Variants in ROCK1 observed in about 807,000 individuals in gnomAD.
The protein encoded by ROCK1 is Rho associated coiled-coil containing protein kinase 1, also known as rho-associated protein kinase 1.
In ROCK1, 36 loss-of-function variants were observed where a neutral mutation model predicts 196.8. That is an observed-to-expected ratio of 0.18 (90% CI 0.14 to 0.24). ROCK1 has a LOEUF of 0.24. Among genes scored for constraint, ROCK1 ranks in the 10% least tolerant of loss-of-function variants. The probability of loss-of-function intolerance (pLI) is 1.00; values close to 1 mark genes in which losing one functional copy is unlikely to be tolerated. For missense variants in ROCK1, 920 were observed against 1,562.0 expected, an observed-to-expected ratio of 0.59 and a Z score of 6.93; for synonymous variants, 443 against 515.9, an observed-to-expected ratio of 0.86 and a Z score of 1.91.
rs2035163160 is a variant in ROCK1, at chr18:20,949,611, G to A, written c.*1773C>T. 1 of 152,236 alleles carries A rather than the reference G, an allele frequency of 6.6e-6. No individual in the cohort carries two copies. The highest frequency in any genetic ancestry group is 1.5e-5 in the Non-Finnish European group (1 of 68,048). 9.4% of individuals were successfully genotyped at this position (152,236 alleles called of 1,614,324 possible). A position where few individuals can be genotyped will look rare whatever the true frequency, so the allele number is the denominator to read the frequency against. On this transcript the variant is annotated 3_prime_UTR_variant, in exon 33 of 33. Coordinates refer to ENST00000399799, the MANE Select transcript of ROCK1 (RefSeq NM_005406.3). Reference sequence around the variant, plus strand: ...CCTTGGAAAAGATAGTCAAAAGAAAGGTTGTCAGAGCCTCTGCTTCCCTGA... The same window carrying A: ...CCTTGGAAAAGATAGTCAAAAGAAAAGTTGTCAGAGCCTCTGCTTCCCTGA...
intron 16 of ROCK1, among the ~76,000 whole-genome samples, chr18:21,003,501 T>C (rs947754154): frequency 6.6e-6 from 1 of 152,180 alleles, no homozygotes; most frequent in Non-Finnish European, 1.5e-5. Context: ...GTAGTTATGT[T>C]TGTCTTTTTA....
chr18:20,969,611 G>T (rs573421560), intron 23 of ROCK1, among the ~76,000 whole-genome samples: 2 of 152,128 alleles, frequency 1.3e-5, no homozygotes, highest in South Asian at 4.1e-4. Flanking sequence ...TTTATTTATA[G>T]ATTACTTTTA....
chr18:21,053,304 T>C (rs1212439784), intron 2 of ROCK1, among the ~76,000 whole-genome samples: 2 of 151,976 alleles, frequency 1.3e-5, no homozygotes, highest in Non-Finnish European at 2.9e-5. Context: ...CAAGCCTGCA[T>C]GAACATTTTT....
At chr18:21,060,444 T>C (rs1227629497) in intron 2 of ROCK1, among the ~76,000 whole-genome samples, 5 of 152,222 alleles carry the variant, frequency 3.3e-5, no homozygotes, top group African/African-American at 1.2e-4. Context: ...ATAGCCACTT[T>C]GGAAGACAGT....
chr18:21,099,187 A>T (rs1225666869), intron 1 of ROCK1, among the ~76,000 whole-genome samples: 3 of 152,218 alleles, frequency 2.0e-5, no homozygotes, highest in Admixed American at 1.3e-4. Flanking sequence ...AACAGGACTC[A>T]GCTGTAAAAA....
chr18:20,983,895 C>T (rs755432499), intron 20 of ROCK1, among the ~76,000 whole-genome samples: 1 of 152,084 alleles, frequency 6.6e-6, no homozygotes, highest in African/African-American at 2.4e-5. Context: ...GCATATTCTT[C>T]GACAAATTGT....
intron 1 of ROCK1, among the ~76,000 whole-genome samples, chr18:21,106,550 T>C (rs1392865200): frequency 7.2e-5 from 11 of 152,174 alleles, no homozygotes; most frequent in Non-Finnish European, 1.3e-4. Flanking sequence ...TTTTCAAAGG[T>C]ACTCAAAATC....
rs1598551564 is a variant in ROCK1 at position 21,070,594 on chromosome 18, A to G, written c.113T>C (p.Val38Ala). The G allele has an allele frequency of 1.2e-6, 2 of 1,607,484 alleles. No individual in the cohort carries two copies. The highest frequency in any genetic ancestry group is 2.2e-5 in the South Asian group (2 of 89,946). The change falls in exon 2 of 33, where the codon GTA (valine) becomes GCA (alanine). Residue 38 changes from valine to alanine, a missense_variant. Coordinates refer to ENST00000399799, the MANE Select transcript of ROCK1 (RefSeq NM_005406.3). ...TAAGGCAGGAAAATCCAAATCATAT[A>G]CCAAAGCATCCAATCCATCCTAAAG... The part of the protein sequence containing the change: ...DCLLDGLDAL[V>A]YDLDFPALRK...
At chr18:20,996,274 A>G (rs989334731) in intron 16 of ROCK1, among the ~76,000 whole-genome samples, 6 of 152,326 alleles carry the variant, frequency 3.9e-5, no homozygotes, top group African/African-American at 9.6e-5. Flanking sequence ...TGCAACCGAC[A>G]TACTGAAGAA....
intron 2 of ROCK1, among the ~76,000 whole-genome samples, chr18:21,066,397 T>C (rs1207346864): frequency 6.6e-6 from 1 of 152,202 alleles, no homozygotes; most frequent in African/African-American, 2.4e-5. Flanking sequence ...TGAAGTAACA[T>C]ATTGGTTTAG....
At chr18:21,000,346 G>A (rs758024135) in intron 16 of ROCK1, among the ~76,000 whole-genome samples, 27 of 151,464 alleles carry the variant, frequency 1.8e-4, no homozygotes, top group Non-Finnish European at 3.4e-4. Context: ...CACTGCAACC[G>A]CTGCCTCCCA....
chr18:20,953,100 T>C (rs2035206410), intron 32 of ROCK1, among the ~76,000 whole-genome samples: 1 of 152,084 alleles, frequency 6.6e-6, no homozygotes, highest in African/African-American at 2.4e-5. Context: ...TCTGCACATA[T>C]ATCCCAGAAC....
At chr18:21,085,343 CAAAAA>C (rs369750551) in intron 1 of ROCK1, among the ~76,000 whole-genome samples, 1 of 78,038 alleles carries the variant, frequency 1.3e-5, no homozygotes, top group Non-Finnish European at 2.3e-5. Context: ...AACCCCATTT[CAAAAA>C]AAAAAAAAAG....
At chr18:21,014,449 C>T (rs2035846120) in intron 13 of ROCK1, among the ~76,000 whole-genome samples, 2 of 152,144 alleles carry the variant, frequency 1.3e-5, no homozygotes, top group African/African-American at 4.8e-5. Context: ...ACTCTTACTC[C>T]ATCTTTCTAG....
At chr18:21,064,710 C>G (rs2143542194) in intron 2 of ROCK1, among the ~76,000 whole-genome samples, 1 of 152,278 alleles carries the variant, frequency 6.6e-6, no homozygotes, top group South Asian at 2.1e-4. Flanking sequence ...TTATACTACT[C>G]TTTTGTATTT....
Position 20,968,793 on chromosome 18 carries a change from A to G in ROCK1, c.2982T>C (p.Thr994=). 1 of 1,604,598 alleles carries G rather than the reference A, an allele frequency of 6.2e-7. No individual in the cohort carries two copies. Among genetic ancestry groups the G allele is most frequent in the Non-Finnish European group, 8.5e-7 (1 of 1,171,414 alleles). ...ATACCTGTGTTTTAAGGGTTCGTTCAGTGTTGATATTCTTTTCAAAGGCAG... is the reference window on the plus strand; with the variant it reads ...ATACCTGTGTTTTAAGGGTTCGTTCGGTGTTGATATTCTTTTCAAAGGCAG... ...LKAAFEKNIN[T]ERTLKTQAVN... The change falls in exon 25 of 33, where the codon ACT becomes ACC. Residue 994 remains threonine (T), a synonymous_variant. Coordinates refer to ENST00000399799, the MANE Select transcript of ROCK1 (RefSeq NM_005406.3).
intron 10 of ROCK1, among the ~76,000 whole-genome samples, chr18:21,025,206 T>C (rs1302246696): frequency 1.3e-5 from 2 of 152,212 alleles, no homozygotes; most frequent in East Asian, 3.8e-4. Context: ...TAGAATCTGG[T>C]CATTTAGGTA....
At chr18:21,053,721 C>T (rs562914619) in intron 2 of ROCK1, among the ~76,000 whole-genome samples, 1 of 152,212 alleles carries the variant, frequency 6.6e-6, no homozygotes, top group South Asian at 2.1e-4. Flanking sequence ...CTTGTAGTCC[C>T]AGCTACTTGG....
At chr18:21,099,976 C>T (rs1220572693) in intron 1 of ROCK1, among the ~76,000 whole-genome samples, 4 of 151,998 alleles carry the variant, frequency 2.6e-5, no homozygotes, top group Non-Finnish European at 5.9e-5. Context: ...GAGGAGGTTA[C>T]AGTGAGCCAA....
Sources: allele counts gnomAD v4.1 joint callset (sites outside exome capture counted in the v4.1 genomes callset), GRCh38; gene constraint gnomAD v4.1.1; transcripts MANE v1.5; gene names NCBI Gene and HGNC (gene_info 2026-07-23, HGNC 2026-07-21).